FUT9: variants seen among roughly 807,000 people sequenced by gnomAD.
FUT9 encodes the protein 4-galactosyl-N-acetylglucosaminide 3-alpha-L-fucosyltransferase 9.
A neutral mutation model predicts 29.7 loss-of-function variants in FUT9; 15 were observed. The observed-to-expected ratio is 0.51, with a 90% CI of 0.34 to 0.78. FUT9 has a LOEUF of 0.78. Ranked by LOEUF, FUT9 falls within the 30% of genes least tolerant of loss-of-function variation. FUT9 has a pLI of 0.01. For synonymous variants in FUT9, 169 were observed against 153.7 expected, an observed-to-expected ratio of 1.10 and a Z score of -0.74; for missense variants, 319 against 425.4, an observed-to-expected ratio of 0.75 and a Z score of 2.20.
At chr6:96,131,785 C>T (rs189285487) in intron 2 of FUT9, among the ~76,000 whole-genome samples, 2 of 152,008 alleles carry the variant, frequency 1.3e-5, no homozygotes, top group Non-Finnish European at 2.9e-5. Context: ...TTTTTCTTCA[C>T]CTGGTATACA....
intron 2 of FUT9, among the ~76,000 whole-genome samples, chr6:96,117,338 C>T (rs532308334): frequency 4.3e-4 from 66 of 152,160 alleles, no homozygotes; most frequent in African/African-American, 1.5e-3. Context: ...ATTAACCTTG[C>T]GTTGCTAGAT....
intron 2 of FUT9, among the ~76,000 whole-genome samples, chr6:96,192,525 A>G (rs1045968779): frequency 6.6e-6 from 1 of 152,172 alleles, no homozygotes; most frequent in Admixed American, 6.6e-5. Context: ...AAGGACAACT[A>G]CAAACCACTG....
chr6:96,105,637 T>C (rs1771665061), intron 1 of FUT9, among the ~76,000 whole-genome samples: 1 of 152,186 alleles, frequency 6.6e-6, no homozygotes, highest in South Asian at 2.1e-4. Context: ...AAATTTATAG[T>C]GATAGAATTA....
intron 1 of FUT9, among the ~76,000 whole-genome samples, chr6:96,100,681 CA>C (rs1259202039): frequency 6.6e-6 from 1 of 152,128 alleles, no homozygotes; most frequent in Non-Finnish European, 1.5e-5. Flanking sequence ...AGTGAAGACG[CA>C]GGTTAGAATT....
rs1773926440 is a variant in FUT9, at chr6:96,210,985, C to A, written c.*6750C>A. 1 of 166,730 alleles carries A rather than the reference C, an allele frequency of 6.0e-6. No individual in the cohort carries two copies. Among genetic ancestry groups the A allele is most frequent in the African/African-American group, 2.4e-5 (1 of 41,362 alleles). The allele number at this position is 166,730 out of a possible 1,614,324, so 10.3% of individuals were successfully genotyped here. Reference sequence around the variant, plus strand: ...ATGTGTTCAAGTGTTATCTTTTATTCTTATAAAAGATAATTGTGAGGAATC... The same window carrying A: ...ATGTGTTCAAGTGTTATCTTTTATTATTATAAAAGATAATTGTGAGGAATC... On this transcript the variant is annotated 3_prime_UTR_variant, in exon 3 of 3. Transcript: ENST00000302103.
intron 2 of FUT9, among the ~76,000 whole-genome samples, chr6:96,129,957 C>CA (rs1048768335): frequency 1.3e-5 from 2 of 151,584 alleles, no homozygotes; most frequent in African/African-American, 4.8e-5. Context: ...AATTAAATTT[C>CA]AAAAAAATTA....
chr6:96,143,935 G>A (rs1772515725), intron 2 of FUT9, among the ~76,000 whole-genome samples: 1 of 152,128 alleles, frequency 6.6e-6, no homozygotes, highest in Admixed American at 6.5e-5. Context: ...TTGGAAATAG[G>A]TAATGCTGGT....
intron 1 of FUT9, among the ~76,000 whole-genome samples, chr6:96,087,309 C>T (rs375235922): frequency 2.0e-5 from 3 of 151,402 alleles, no homozygotes; most frequent in African/African-American, 7.3e-5. Flanking sequence ...TAACATAGCA[C>T]TCTACATATG....
At chr6:96,196,637 G>A (rs1256346975) in intron 2 of FUT9, among the ~76,000 whole-genome samples, 2 of 152,004 alleles carry the variant, frequency 1.3e-5, no homozygotes, top group Non-Finnish European at 2.9e-5. Context: ...GTTTGAACCC[G>A]GAAGGCAGAG....
intron 1 of FUT9, among the ~76,000 whole-genome samples, chr6:96,049,145 T>C (rs1041234010): frequency 5.9e-5 from 9 of 152,154 alleles, no homozygotes; most frequent in South Asian, 2.1e-4. Context: ...AAGGGTTTGA[T>C]TGGTCTAAGT....
At chr6:96,180,148 T>C (rs754396242) in intron 2 of FUT9, among the ~76,000 whole-genome samples, 1 of 152,120 alleles carries the variant, frequency 6.6e-6, no homozygotes, top group Non-Finnish European at 1.5e-5. Context: ...CAAGTATACA[T>C]CTTAAGTCAT....
chr6:96,016,698 C>T (rs1460498247), intron 1 of FUT9, among the ~76,000 whole-genome samples: 1 of 152,176 alleles, frequency 6.6e-6, no homozygotes, highest in Non-Finnish European at 1.5e-5. Context: ...CGTCCTATTC[C>T]TTCCCAGGGT....
In FUT9 at chr6:96,206,863, T is replaced by A. The variant is rs570599769; in HGVS notation, c.*2628T>A. The A allele has an allele frequency of 1.1e-3, 192 of 167,160 alleles. 1 individual carries two copies. The Middle Eastern group carries it at 0.034, about 29-fold the overall frequency. 10.4% of individuals were successfully genotyped at this position (167,160 alleles called of 1,614,324 possible). On this transcript the variant is annotated 3_prime_UTR_variant, in exon 3 of 3. Coordinates refer to ENST00000302103, the MANE Select transcript of FUT9 (RefSeq NM_006581.4). Reference sequence around the variant, plus strand: ...GTGAATGTTCATGATTTGAAAGAACTGAAAGACCTAAAGGCAGTGTCTCTA... The same window carrying A: ...GTGAATGTTCATGATTTGAAAGAACAGAAAGACCTAAAGGCAGTGTCTCTA...
At chr6:96,179,670 A>G (rs1247878241) in intron 2 of FUT9, among the ~76,000 whole-genome samples, 1 of 152,168 alleles carries the variant, frequency 6.6e-6, no homozygotes, top group African/African-American at 2.4e-5. Flanking sequence ...TGGCTGAAAG[A>G]AAAGATGGAA....
At chr6:96,100,219 A>T (rs1274022716) in intron 1 of FUT9, among the ~76,000 whole-genome samples, 5 of 145,706 alleles carry the variant, frequency 3.4e-5, no homozygotes, top group Non-Finnish European at 7.5e-5. Flanking sequence ...AATTTAACAC[A>T]CACACACACC....
intron 1 of FUT9, chr6:96,036,920 C>A (rs1244195425): frequency 6.6e-6 from 1 of 151,984 alleles, no homozygotes; most frequent in Non-Finnish European, 1.5e-5. Context: ...TTCAATAGAT[C>A]TGGGTTGGGA....
At chr6:96,034,871 A>G (rs1406258548) in intron 1 of FUT9, among the ~76,000 whole-genome samples, 1 of 151,796 alleles carries the variant, frequency 6.6e-6, no homozygotes, top group East Asian at 1.9e-4. Context: ...TAACTTTGTA[A>G]GAAAGATCAG....
chr6:96,117,194 C>A (rs1300595726), intron 2 of FUT9, among the ~76,000 whole-genome samples: 3 of 151,856 alleles, frequency 2.0e-5, no homozygotes, highest in African/African-American at 4.8e-5. Context: ...CAAAGGAGTG[C>A]AGGTTAGCAA....
intron 2 of FUT9, among the ~76,000 whole-genome samples, chr6:96,134,005 G>T (rs1772300386): frequency 6.6e-6 from 1 of 150,598 alleles, no homozygotes. Context: ...TTCTTTTTTT[G>T]ACTCCTAAGT....
Sources: allele counts gnomAD v4.1 joint callset (sites outside exome capture counted in the v4.1 genomes callset), GRCh38; gene constraint gnomAD v4.1.1; transcripts MANE v1.5; gene names NCBI Gene and HGNC (gene_info 2026-07-23, HGNC 2026-07-21).